The following RGS5 variants were observed in gnomAD, a reference collection of about 807,000 sequenced individuals.
RGS5 encodes the protein regulator of G protein signaling 5, also known as regulator of G-protein signalling 5.
In RGS5, 20 loss-of-function variants were observed where a neutral mutation model predicts 18.9. That is an observed-to-expected ratio of 1.06 (90% CI 0.74 to 1.54). The LOEUF (loss-of-function observed/expected upper bound fraction) is 1.54, where lower values mean the gene tolerates loss of function less well. RGS5 is among the 40% of genes most tolerant of loss of function. RGS5 has a pLI of 0.00. For synonymous variants in RGS5, 57 were observed against 76.2 expected, an observed-to-expected ratio of 0.75 and a Z score of 1.31; for missense variants, 201 against 211.8, an observed-to-expected ratio of 0.95 and a Z score of 0.32.
At chr1:163,211,922 GGAAGAACAT>G (rs752084693) in intron 1 of RGS5, 1 of 151,926 alleles carries the variant, frequency 6.6e-6, no homozygotes, top group Non-Finnish European at 1.5e-5. Flanking sequence ...AATTTCTGTT[GGAAGAACAT>G]TCTGTAAGTC....
Position 163,154,958 on chromosome 1 carries a change from T to C in RGS5, c.218-2242A>G, listed in dbSNP as rs547732559. 2.7e-4 allele frequency among the ~76,000 whole-genome samples: 41 copies of C among 151,606 alleles called. 1 individual carries two copies. Among genetic ancestry groups the C allele is most frequent in the Admixed American group, 2.6e-3 (40 of 15,180 alleles). On this transcript the variant is annotated intron_variant, in intron 3 of 4. Transcript: ENST00000313961. ...GACTAAAATTATAAAACTATGTATA[T>C]GTATATATGTATATGTATATAAAAC...
intron 1 of RGS5, among the ~76,000 whole-genome samples, chr1:163,191,417 C>T (rs1051002758): frequency 1.3e-5 from 2 of 152,016 alleles, no homozygotes; most frequent in Admixed American, 1.3e-4. Flanking sequence ...CACAGTATAG[C>T]CTGTAATGTC....
In RGS5 at chr1:163,184,810, C is replaced by T. The variant is rs78102904; in HGVS notation, c.45-16442G>A. On this transcript the variant is annotated intron_variant, in intron 1 of 4. Coordinates refer to ENST00000313961, the MANE Select transcript of RGS5 (RefSeq NM_003617.4). The stretch of plus-strand genomic sequence containing the variant: ...GCAAATAAATCAATTTCCCCCAGAA[C>T]CTCCAGGAGGAATGCAGCCCTAGGG... Among the ~76,000 whole-genome samples the T allele has an allele frequency of 1.1e-4, 16 of 152,254 alleles. No individual in the cohort carries two copies. The East Asian group carries it at 3.1e-3, about 29-fold the overall frequency.
At chr1:163,210,332 C>A (rs1455283770) in intron 1 of RGS5, among the ~76,000 whole-genome samples, 1 of 152,148 alleles carries the variant, frequency 6.6e-6, no homozygotes, top group African/African-American at 2.4e-5. Context: ...AAAGAATTAT[C>A]AATTATTTCT....
chr1:163,160,080 T>G (rs1657743105), intron 3 of RGS5, among the ~76,000 whole-genome samples: 1 of 152,162 alleles, frequency 6.6e-6, no homozygotes, highest in Non-Finnish European at 1.5e-5. Flanking sequence ...TTTAACTCTA[T>G]CTAACCCTAG....
intron 1 of RGS5, among the ~76,000 whole-genome samples, chr1:163,309,090 C>T (rs1301659515): frequency 6.6e-6 from 1 of 152,104 alleles, no homozygotes; most frequent in Non-Finnish European, 1.5e-5. Flanking sequence ...TGGTTCATGC[C>T]TGTAATCCCA....
intron 3 of RGS5, among the ~76,000 whole-genome samples, chr1:163,158,929 C>T (rs1657691011): frequency 6.6e-6 from 1 of 152,164 alleles, no homozygotes; most frequent in South Asian, 2.1e-4. Context: ...TAAAAGACAG[C>T]CGTTCCCAAA....
intron 2 of RGS5, among the ~76,000 whole-genome samples, chr1:163,163,817 G>T (rs1301186345): frequency 6.6e-6 from 1 of 152,150 alleles, no homozygotes; most frequent in Non-Finnish European, 1.5e-5. Context: ...GAGGAAGGCT[G>T]ATTTACTCAC....
At chr1:163,156,666 A>G (rs1657592274) in intron 3 of RGS5, among the ~76,000 whole-genome samples, 1 of 152,198 alleles carries the variant, frequency 6.6e-6, no homozygotes. Flanking sequence ...AATAAGACAC[A>G]TTCAGGGAAG....
intron 1 of RGS5, among the ~76,000 whole-genome samples, chr1:163,185,905 C>T (rs187066478): frequency 1.2e-4 from 18 of 152,146 alleles, no homozygotes; most frequent in Non-Finnish European, 5.9e-5. Flanking sequence ...ATAAAGCAAA[C>T]ATTGATGGGG....
intron 2 of RGS5, among the ~76,000 whole-genome samples, chr1:163,280,875 C>T (rs1648974203): frequency 6.6e-6 from 1 of 152,128 alleles, no homozygotes; most frequent in Non-Finnish European, 1.5e-5. Flanking sequence ...AAATATACTA[C>T]AAAACTGTGT....
At chr1:163,296,897 G>A (rs563793688) in intron 2 of RGS5, among the ~76,000 whole-genome samples, 1 of 152,176 alleles carries the variant, frequency 6.6e-6, no homozygotes, top group African/African-American at 2.4e-5. Context: ...GCCCTAAAAA[G>A]TTACTTTTTT....
chr1:163,203,597 T>C (rs114969931), upstream of RGS5, among the ~76,000 whole-genome samples: 8 of 152,294 alleles, frequency 5.3e-5, no homozygotes, highest in African/African-American at 1.9e-4. Flanking sequence ...TATGAATCCA[T>C]ATGTCTGTGA....
chr1:163,184,110 C>CT (rs1658968695), intron 1 of RGS5, among the ~76,000 whole-genome samples: 1 of 152,098 alleles, frequency 6.6e-6, no homozygotes, highest in Admixed American at 6.6e-5. Flanking sequence ...ATAGGAGTCT[C>CT]TAAGTCAGAG....
At chr1:163,159,495 C>T (rs748044971) in intron 3 of RGS5, among the ~76,000 whole-genome samples, 25 of 152,138 alleles carry the variant, frequency 1.6e-4, no homozygotes, top group Non-Finnish European at 3.4e-4. Context: ...CCTGACTTCC[C>T]GCAACAGAGG....
At chr1:163,265,385 G>A (rs1417858245) in intron 2 of RGS5, among the ~76,000 whole-genome samples, 1 of 151,984 alleles carries the variant, frequency 6.6e-6, no homozygotes, top group Non-Finnish European at 1.5e-5. Flanking sequence ...TTACTTCAAT[G>A]CTAATTTATT....
At chr1:163,168,612 A>AT (rs979903673) in intron 1 of RGS5, among the ~76,000 whole-genome samples, 9 of 152,128 alleles carry the variant, frequency 5.9e-5, no homozygotes, top group Admixed American at 5.9e-4. Flanking sequence ...TTATTGTTTT[A>AT]TATGTGTTCT....
intron 2 of RGS5, among the ~76,000 whole-genome samples, chr1:163,288,090 C>CA (rs768221854): frequency 1.3e-5 from 2 of 151,592 alleles, no homozygotes; most frequent in African/African-American, 2.4e-5. Flanking sequence ...AATTTAAAAG[C>CA]ACACAACAGT....
chr1:163,246,234 T>A (rs1272823584), intron 2 of RGS5, among the ~76,000 whole-genome samples: 18 of 121,548 alleles, frequency 1.5e-4, no homozygotes, highest in Admixed American at 3.4e-4. Flanking sequence ...AAAAAAAAAA[T>A]TAATTAATTA....
Sources: allele counts gnomAD v4.1 joint callset (sites outside exome capture counted in the v4.1 genomes callset), GRCh38; gene constraint gnomAD v4.1.1; transcripts MANE v1.5; gene names NCBI Gene and HGNC (gene_info 2026-07-23, HGNC 2026-07-21).